The following ROCK1 variants were observed in gnomAD, a reference collection of about 807,000 sequenced individuals.
ROCK1 encodes Rho associated coiled-coil containing protein kinase 1.
ROCK1 carries 36 observed loss-of-function variants against 196.8 expected under a neutral mutation model. That is an observed-to-expected ratio of 0.18 (90% CI 0.14 to 0.24). ROCK1 has a LOEUF of 0.24. Among genes scored for constraint, ROCK1 ranks in the 10% least tolerant of loss-of-function variants. The pLI, the probability that ROCK1 is intolerant of heterozygous loss-of-function variation, is 1.00. For missense variants in ROCK1, 920 were observed against 1,562.0 expected (o/e 0.59, Z 6.93); for synonymous variants, 443 against 515.9 (o/e 0.86, Z 1.91).
chr18:20,979,211 G>A (rs1262521312), intron 22 of ROCK1, among the ~76,000 whole-genome samples: 2 of 152,144 alleles, frequency 1.3e-5, no homozygotes, highest in Admixed American at 6.6e-5. Context: ...TTACAGGCAT[G>A]AGCCACCATG....
intron 32 of ROCK1, among the ~76,000 whole-genome samples, chr18:20,952,093 G>C (rs1256790459): frequency 1.3e-5 from 2 of 152,188 alleles, no homozygotes; most frequent in Admixed American, 1.3e-4. Context: ...CTCCAAGAAA[G>C]AGTTAACTGC....
At chr18:20,973,442 T>A (rs1375126975) in intron 22 of ROCK1, among the ~76,000 whole-genome samples, 13 of 151,960 alleles carry the variant, frequency 8.6e-5, no homozygotes, top group Non-Finnish European at 1.9e-4. Flanking sequence ...CATGCCCGGC[T>A]AATTTTTGCA....
intron 18 of ROCK1, among the ~76,000 whole-genome samples, chr18:20,989,741 T>TA (rs2035607403): frequency 6.6e-6 from 1 of 152,078 alleles, no homozygotes; most frequent in Non-Finnish European, 1.5e-5. Flanking sequence ...TACCCTCCTT[T>TA]AAGATAACAG....
At chr18:21,100,330 G>A (rs1430986154) in intron 1 of ROCK1, among the ~76,000 whole-genome samples, 1 of 151,656 alleles carries the variant, frequency 6.6e-6, no homozygotes, top group Non-Finnish European at 1.5e-5. Flanking sequence ...AGAGTTTCCT[G>A]GAGGAATGGC....
chr18:21,110,856 G>A lies in ROCK1; in HGVS notation c.55C>T (p.Arg19Trp). ...GAATTCACTTCCGATTTGGGATCCC[G>A]CAGCAGGTTGTCCATTTTTTCAAAT... ...TRFEKMDNLL[R>W]DPKSEVNSDC... The change falls in exon 1 of 33, where the codon CGG becomes TGG. Residue 19 changes from arginine (R) to tryptophan (W), a missense_variant. This residue lies in a region of ROCK1 where 234 missense variants were observed against 460.7 expected (regional missense o/e 0.51). Coordinates refer to ENST00000399799, the MANE Select transcript of ROCK1 (RefSeq NM_005406.3). 1 of 1,614,172 alleles carries A rather than the reference G, an allele frequency of 6.2e-7. No homozygotes were observed. Among genetic ancestry groups the A allele is most frequent in the Non-Finnish European group, 8.5e-7 (1 of 1,179,990 alleles).
intron 18 of ROCK1, among the ~76,000 whole-genome samples, chr18:20,988,943 A>G (rs1218598421): frequency 2.0e-5 from 3 of 152,204 alleles, no homozygotes; most frequent in Non-Finnish European, 4.4e-5. Flanking sequence ...AGTGAAGGAA[A>G]TAAAAGAAGC....
At chr18:20,995,153 A>G (rs1028500588) in intron 16 of ROCK1, among the ~76,000 whole-genome samples, 1 of 152,196 alleles carries the variant, frequency 6.6e-6, no homozygotes, top group Non-Finnish European at 1.5e-5. Context: ...ATATTTCAAA[A>G]TAGCTAGAAG....
chr18:21,097,050 C>A (rs191804493), intron 1 of ROCK1, among the ~76,000 whole-genome samples: 4 of 152,046 alleles, frequency 2.6e-5, no homozygotes, highest in Admixed American at 6.6e-5. Flanking sequence ...AAAGGTAGGT[C>A]CTGGAAATAC....
At chr18:21,056,632 C>G (rs1278536404) in intron 2 of ROCK1, among the ~76,000 whole-genome samples, 1 of 152,176 alleles carries the variant, frequency 6.6e-6, no homozygotes, top group African/African-American at 2.4e-5. Flanking sequence ...TCTTAAAACA[C>G]AAGTCAGATC....
chr18:20,995,355 G>A lies in ROCK1; in HGVS notation c.1886-2418C>T, dbSNP rs565098097. On this transcript the variant is annotated intron_variant, in intron 16 of 32. Coordinates refer to ENST00000399799, the MANE Select transcript of ROCK1 (RefSeq NM_005406.3). ...GAAGGGCCAAATAGAAGCCTCCACCGATTGTCCTCTCTGCAGGAACACCAA... is the reference window on the plus strand; with the variant it reads ...GAAGGGCCAAATAGAAGCCTCCACCAATTGTCCTCTCTGCAGGAACACCAA... Among the ~76,000 whole-genome samples, 13 of 152,272 alleles carry A rather than the reference G, an allele frequency of 8.5e-5. No individual in the cohort carries two copies. In the South Asian group the frequency reaches 1.2e-3, roughly 15 times the overall value.
intron 18 of ROCK1, among the ~76,000 whole-genome samples, chr18:20,989,449 T>C (rs1457648387): frequency 6.6e-6 from 1 of 152,160 alleles, no homozygotes; most frequent in Non-Finnish European, 1.5e-5. Context: ...CAGACTGTAG[T>C]AGGTTAAGAA....
At chr18:21,101,231 A>T (rs546800193) in intron 1 of ROCK1, among the ~76,000 whole-genome samples, 11 of 152,342 alleles carry the variant, frequency 7.2e-5, no homozygotes, top group African/African-American at 2.6e-4. Context: ...TTAGAAAATC[A>T]TTATTTTGCT....
intron 17 of ROCK1, among the ~76,000 whole-genome samples, chr18:20,991,560 T>C (rs1304588545): frequency 6.6e-6 from 1 of 152,186 alleles, no homozygotes; most frequent in African/African-American, 2.4e-5. Flanking sequence ...TCAGGACAGT[T>C]CATTGCTAAG....
intron 22 of ROCK1, among the ~76,000 whole-genome samples, chr18:20,976,196 G>A (rs2035478950): frequency 6.6e-6 from 1 of 152,066 alleles, no homozygotes; most frequent in Non-Finnish European, 1.5e-5. Context: ...TCTCCATAAT[G>A]AAAGACTGTC....
At chr18:21,015,774 C>A (rs1188886302) in intron 12 of ROCK1, among the ~76,000 whole-genome samples, 1 of 151,336 alleles carries the variant, frequency 6.6e-6, no homozygotes, top group African/African-American at 2.4e-5. Context: ...GAGTTCGAGA[C>A]CAGCTTGGCC....
chr18:21,045,151 G>A (rs1381748298), intron 5 of ROCK1, 141 bp downstream of exon 5: 15 of 674,210 alleles, frequency 2.2e-5, no homozygotes, highest in African/African-American at 3.8e-5. Context: ...GTGAGGCAGC[G>A]CCTGGCCAGA....
rs1439920307 is a variant in ROCK1 at position 20,981,924 on chromosome 18, G to GA, written c.2559+838dup. Among the ~76,000 whole-genome samples the GA allele has an allele frequency of 9.2e-5, 14 of 152,254 alleles. 1 individual carries two copies. In the East Asian group the frequency reaches 2.5e-3, roughly 27 times the overall value. On this transcript the variant is annotated intron_variant, in intron 21 of 32. Transcript: ENST00000399799. Reference sequence around the variant, plus strand: ...AAAAATAATCTGATTTGAAAACCCAGAAAAAAGACAAATCTTAAAATTTGG... The same window carrying GA: ...AAAAATAATCTGATTTGAAAACCCAGAAAAAAAGACAAATCTTAAAATTTGG...
rs2035165152 is a variant in ROCK1, at chr18:20,949,737, A to G, written c.*1647T>C. 1 of 152,674 alleles carries G rather than the reference A, an allele frequency of 6.5e-6. No homozygotes were observed. Among genetic ancestry groups the G allele is most frequent in the South Asian group, 2.1e-4 (1 of 4,832 alleles). 9.5% of individuals were successfully genotyped at this position (152,674 alleles called of 1,614,324 possible). Reference sequence around the variant, plus strand: ...CACTCTTGTTTTAGAGCCCAAGACCACGTTTTATCTTTTAAAAATACACTT... The same window carrying G: ...CACTCTTGTTTTAGAGCCCAAGACCGCGTTTTATCTTTTAAAAATACACTT... On this transcript the variant is annotated 3_prime_UTR_variant, in exon 33 of 33. Coordinates refer to ENST00000399799, the MANE Select transcript of ROCK1 (RefSeq NM_005406.3).
chr18:20,996,371 T>C (rs1048558126), intron 16 of ROCK1, among the ~76,000 whole-genome samples: 5 of 152,018 alleles, frequency 3.3e-5, no homozygotes, highest in African/African-American at 9.7e-5. Context: ...AATACAGTCA[T>C]AGGAGACAAA....
Sources: allele counts gnomAD v4.1 joint callset (sites outside exome capture counted in the v4.1 genomes callset), GRCh38; gene constraint gnomAD v4.1.1; regional missense constraint gnomAD v4.1.1; transcripts MANE v1.5; gene names NCBI Gene and HGNC (gene_info 2026-07-23, HGNC 2026-07-21).